The following RNF38 variants were observed in gnomAD, a reference collection of about 807,000 sequenced individuals.
RNF38 encodes E3 ubiquitin-protein ligase RNF38.
A neutral mutation model predicts 67.2 loss-of-function variants in RNF38; 15 were observed. The ratio of observed to expected loss-of-function variants is 0.22; its 90% CI spans 0.15 to 0.34. The LOEUF (loss-of-function observed/expected upper bound fraction) is 0.34, where lower values mean the gene tolerates loss of function less well. RNF38 is among the 10% of genes least tolerant of loss of function. The pLI is 1.00. For missense variants in RNF38, 524 were observed against 639.9 expected (o/e 0.82, Z 1.95); for synonymous variants, 220 against 218.8 (o/e 1.01, Z -0.05).
intron 1 of RNF38, chr9:36,487,273 C>T (rs2134476458): frequency 1.1e-5 from 11 of 984,006 alleles, no homozygotes; most frequent in Non-Finnish European, 1.3e-5. Flanking sequence ...CCGACCCACG[C>T]CCCTCCCTGC....
intron 1 of RNF38, among the ~76,000 whole-genome samples, chr9:36,448,361 T>C (rs1172143803): frequency 1.3e-5 from 2 of 152,252 alleles, no homozygotes; most frequent in Non-Finnish European, 2.9e-5. Context: ...CAGAGATTGA[T>C]ATTGAAAAAC....
chr9:36,454,082 A>G (rs1250750156), intron 1 of RNF38, among the ~76,000 whole-genome samples: 1 of 152,134 alleles, frequency 6.6e-6, no homozygotes, highest in Non-Finnish European at 1.5e-5. Context: ...CATAACAAAT[A>G]TTAAAATGTA....
chr9:36,408,295 G>A (rs7024509), intron 2 of RNF38, among the ~76,000 whole-genome samples: 3,190 of 143,070 alleles, frequency 0.022, 96 homozygotes, highest in African/African-American at 0.072. Context: ...GTAGAGACTA[G>A]GTTTCACCAT....
intron 11 of RNF38, among the ~76,000 whole-genome samples, chr9:36,341,802 A>C (rs1832855598): frequency 2.5e-4 from 1 of 4,030 alleles, no homozygotes; most frequent in African/African-American, 1.1e-3. Flanking sequence ...AAATATATAT[A>C]TATATATATA....
chr9:36,412,975 A>T (rs1005052823), intron 2 of RNF38, among the ~76,000 whole-genome samples: 1 of 152,064 alleles, frequency 6.6e-6, no homozygotes, highest in Non-Finnish European at 1.5e-5. Flanking sequence ...AGGAGGCTGA[A>T]GCAGGAGAAT....
upstream of RNF38, chr9:36,487,589 G>A: frequency 1.0e-6 from 1 of 980,332 alleles, no homozygotes; most frequent in Non-Finnish European, 1.2e-6. Flanking sequence ...GGCTCCGGCT[G>A]CGACTCGACT....
chr9:36,345,060 T>G, intron 9 of RNF38, 107 bp from the exon 10 acceptor site: 1 of 1,202,238 alleles, frequency 8.3e-7, no homozygotes, highest in Non-Finnish European at 1.1e-6. Flanking sequence ...GGCTAGAGTA[T>G]AGCGGCTGTT....
intron 4 of RNF38, 82 bp downstream of exon 4, chr9:36,369,637 G>T (rs1805679150): frequency 9.4e-7 from 1 of 1,063,996 alleles, no homozygotes; most frequent in Admixed American, 2.8e-5. Flanking sequence ...AAAGAAATTT[G>T]CAACAAAAAG....
At chr9:36,359,783 T>A (rs1303629154) in intron 4 of RNF38, among the ~76,000 whole-genome samples, 1 of 151,700 alleles carries the variant, frequency 6.6e-6, no homozygotes, top group Admixed American at 6.6e-5. Flanking sequence ...TCCAGCCTTG[T>A]CGCCCAGGCT....
intron 11 of RNF38, 25 bp from the exon 12 acceptor site, chr9:36,339,839 T>C (rs557317526): frequency 1.3e-6 from 2 of 1,593,172 alleles, no homozygotes; most frequent in South Asian, 2.2e-5. Flanking sequence ...GGAAAACTTG[T>C]TTAAATTGTG....
intron 1 of RNF38, among the ~76,000 whole-genome samples, chr9:36,437,066 T>C (rs532784541): frequency 6.6e-6 from 1 of 152,188 alleles, no homozygotes; most frequent in Admixed American, 6.5e-5. Context: ...ATATGATGAG[T>C]GGCTGCTTAA....
At chr9:36,481,404 C>T (rs185349003) in intron 1 of RNF38, among the ~76,000 whole-genome samples, 51 of 152,326 alleles carry the variant, frequency 3.3e-4, no homozygotes, top group Non-Finnish European at 5.9e-5. Flanking sequence ...CTGCAGTTAA[C>T]TGTTCTCAGC....
chr9:36,404,074 T>C (rs1238923837), upstream of RNF38, among the ~76,000 whole-genome samples: 1 of 152,240 alleles, frequency 6.6e-6, no homozygotes, highest in Non-Finnish European at 1.5e-5. Context: ...CTTAGAATTT[T>C]TATTATTTTC....
intron 1 of RNF38, among the ~76,000 whole-genome samples, chr9:36,475,331 T>C (rs1393491121): frequency 1.3e-5 from 2 of 152,064 alleles, no homozygotes; most frequent in African/African-American, 2.4e-5. Context: ...TACCAAATTA[T>C]TATTAATATT....
intron 1 of RNF38, among the ~76,000 whole-genome samples, chr9:36,440,641 G>A (rs1398383244): frequency 1.3e-5 from 2 of 151,940 alleles, no homozygotes; most frequent in Non-Finnish European, 2.9e-5. Context: ...AAATAAATAA[G>A]GCCCTGTTAT....
At chr9:36,380,415 G>T (rs761404823) in intron 2 of RNF38, among the ~76,000 whole-genome samples, 1 of 152,118 alleles carries the variant, frequency 6.6e-6, no homozygotes, top group Admixed American at 6.5e-5. Flanking sequence ...GGTCAGGCTG[G>T]TCTCGAACTC....
At chr9:36,367,637 T>C (rs1835079482) in intron 4 of RNF38, among the ~76,000 whole-genome samples, 2 of 152,172 alleles carry the variant, frequency 1.3e-5, no homozygotes, top group South Asian at 4.1e-4. Flanking sequence ...CTTATTCTTT[T>C]AATACACCAC....
intron 1 of RNF38, among the ~76,000 whole-genome samples, chr9:36,434,094 G>T (rs553561973): frequency 6.6e-6 from 1 of 151,164 alleles, no homozygotes; most frequent in East Asian, 2.0e-4. Context: ...AAATTAGCTG[G>T]GTGTGGTGGC....
intron 3 of RNF38, among the ~76,000 whole-genome samples, chr9:36,375,223 T>C (rs1835696966): frequency 6.6e-6 from 1 of 152,074 alleles, no homozygotes; most frequent in South Asian, 2.1e-4. Context: ...CAGTGTCTCA[T>C]TCTGTCACCA....
Sources: gnomAD v4.1 joint callset for allele counts (sites outside exome capture counted in the v4.1 genomes callset) on GRCh38, gnomAD v4.1.1 for gene constraint, MANE v1.5 for transcripts, NCBI Gene and HGNC (gene_info 2026-07-23, HGNC 2026-07-21) for gene names.